The following CHD1 variants were observed in gnomAD, a reference collection of about 807,000 sequenced individuals.
The protein encoded by CHD1 is ATP-dependent chromatin remodeler CHD1.
Under a neutral mutation model 224.2 loss-of-function variants are expected in CHD1, and 36 were observed. The observed-to-expected ratio is 0.16, with a 90% CI of 0.12 to 0.21. The LOEUF (loss-of-function observed/expected upper bound fraction) is 0.21, where lower values mean the gene tolerates loss of function less well. Among genes scored for constraint, CHD1 ranks in the 10% least tolerant of loss-of-function variants. The probability of loss-of-function intolerance (pLI) is 1.00; values close to 1 mark genes in which losing one functional copy is unlikely to be tolerated. For missense variants in CHD1, 1,378 were observed against 1,994.8 expected (o/e 0.69, Z 5.89); for synonymous variants, 668 against 658.3 (o/e 1.01, Z -0.23).
chr5:98,906,186 T>C (rs1054389368), intron 2 of CHD1, among the ~76,000 whole-genome samples: 2 of 152,164 alleles, frequency 1.3e-5, no homozygotes, highest in African/African-American at 2.4e-5. Context: ...GTGAGATATA[T>C]AAATGCTTAA....
chr5:98,914,891 C>T (rs1752641592), intron 2 of CHD1, among the ~76,000 whole-genome samples: 2 of 151,972 alleles, frequency 1.3e-5, no homozygotes, highest in South Asian at 4.1e-4. Context: ...ACATATATCT[C>T]TCCTAACTAG....
chr5:98,881,341 T>C lies in CHD1; in HGVS notation c.2902A>G (p.Ile968Val), dbSNP rs1217895518. 2 of 1,566,384 alleles carry C rather than the reference T, an allele frequency of 1.3e-6. No homozygotes were observed. Among genetic ancestry groups the C allele is most frequent in the Non-Finnish European group, 1.7e-6 (2 of 1,156,672 alleles). ...AGTTCTTCAGCACCAAACTTTAAAA[T>C]GGCTGATAACTCTTCTTTATTGAAA... ...TPFNKEELSA[I>V]LKFGAEELFK... Residue 968 changes from isoleucine (I) to valine (V), a missense_variant, in exon 21 of 36, where the codon ATT (isoleucine) becomes GTT (valine). This residue lies in a region of CHD1 where 286 missense variants were observed against 445.1 expected (regional missense o/e 0.64). Coordinates refer to ENST00000614616, the MANE Select transcript of CHD1 (RefSeq NM_001270.4).
intron 20 of CHD1, 108 bp from the exon 21 acceptor site, chr5:98,881,483 A>G: frequency 3.5e-6 from 2 of 570,750 alleles, no homozygotes; most frequent in Non-Finnish European, 6.0e-6. Flanking sequence ...AGTTACATGA[A>G]GAAGTTAGAC....
intron 31 of CHD1, among the ~76,000 whole-genome samples, chr5:98,866,080 C>G (rs887395731): frequency 1.3e-5 from 2 of 151,954 alleles, no homozygotes; most frequent in Non-Finnish European, 2.9e-5. Flanking sequence ...TACCACCTCC[C>G]CTGACTCCCA....
intron 4 of CHD1, 72 bp from the exon 5 acceptor site, chr5:98,903,036 T>G (rs1373185592): frequency 1.5e-5 from 13 of 871,112 alleles, no homozygotes; most frequent in Non-Finnish European, 2.3e-5. Context: ...TTTTATTTGC[T>G]ATACTATTTA....
chr5:98,863,265 G>A (rs1748609253), intron 32 of CHD1, 143 bp downstream of exon 32: 2 of 455,384 alleles, frequency 4.4e-6, no homozygotes, highest in African/African-American at 2.1e-5. Context: ...ATTAAAGGGA[G>A]AAAAATTAAA....
chr5:98,859,065 T>C (rs1306925606), intron 33 of CHD1, 50 bp from the exon 34 acceptor site: 2 of 1,396,970 alleles, frequency 1.4e-6, no homozygotes, highest in East Asian at 2.4e-5. Flanking sequence ...TTCACAAACT[T>C]ACAAAAAAGC....
chr5:98,896,102 C>G, intron 12 of CHD1, 124 bp downstream of exon 12: 2 of 767,496 alleles, frequency 2.6e-6, no homozygotes, highest in Non-Finnish European at 4.3e-6. Flanking sequence ...TTGCAGTGAG[C>G]CAAGATCATA....
chr5:98,928,710 C>G lies in CHD1; in HGVS notation c.-320G>C, dbSNP rs1046411503. ...CGGAGGGGAAGGGGAAGCCCCGGTC[C>G]GCAGCACCAACGCGCGATCCCCTGC... On this transcript the variant is annotated 5_prime_UTR_variant, in exon 1 of 36. Transcript: ENST00000614616. 1 of 153,806 alleles carries G rather than the reference C, an allele frequency of 6.5e-6. No homozygotes were observed. Among genetic ancestry groups the G allele is most frequent in the African/African-American group, 2.4e-5 (1 of 41,440 alleles). The allele number at this position is 153,806 out of a possible 1,614,324, so 9.5% of individuals were successfully genotyped here. A position where few individuals can be genotyped will look rare whatever the true frequency, so the allele number is the denominator to read the frequency against.
chr5:98,862,026 G>A (rs161735), intron 32 of CHD1, among the ~76,000 whole-genome samples: 38,610 of 151,904 alleles, frequency 0.25, 5,195 homozygotes, highest in Middle Eastern at 0.34. Flanking sequence ...GCCTGGTAGC[G>A]TGGGCCTGTA....
Position 98,881,117 on chromosome 5 carries a change from C to T in CHD1, c.3019G>A (p.Gly1007Ser), listed in dbSNP as rs1234430100. Residue 1007 changes from glycine to serine, a missense_variant, in exon 22 of 36, where the codon GGT becomes AGT. Physicochemically the swap from Gly to Ser is moderately conservative, Grantham distance 56. This residue lies in a region of CHD1 where 286 missense variants were observed against 445.1 expected (regional missense o/e 0.64). Transcript: ENST00000614616. ...AATTCATCTCCTACAGTTAAAGGAC[C>T]TGGTTCATTTTCATGAGTTTCAGCT... ...KRAETHENEP[G>S]PLTVGDELLS... 6.2e-7 allele frequency: 1 copy of T among 1,611,420 alleles called. No homozygotes were observed. The highest frequency in any genetic ancestry group is 1.7e-5 in the Admixed American group (1 of 59,730).
Position 98,856,201 on chromosome 5 carries a change from A to T in CHD1, c.*179T>A, listed in dbSNP as rs556482902. On this transcript the variant is annotated 3_prime_UTR_variant, in exon 36 of 36. Transcript: ENST00000614616. ...GTAGTACAGTGCAGCATAATCCTTA[A>T]ATATAAAAATATTTTCTCTTCTGTT... 1 of 565,384 alleles carries T rather than the reference A, an allele frequency of 1.8e-6. No homozygotes were observed. The highest frequency in any genetic ancestry group is 2.9e-5 in the East Asian group (1 of 34,602). The allele number at this position is 565,384 out of a possible 1,614,324, so 35.0% of individuals were successfully genotyped here. A position where few individuals can be genotyped will look rare whatever the true frequency, so the allele number is the denominator to read the frequency against.
At chr5:98,869,285 G>A (rs954723546) in intron 30 of CHD1, 1 of 986,402 alleles carries the variant, frequency 1.0e-6, no homozygotes, top group Non-Finnish European at 1.2e-6. Context: ...ATCCTGGAAA[G>A]TGCAAGTATG....
At chr5:98,911,836 A>T (rs1752443548) in intron 2 of CHD1, among the ~76,000 whole-genome samples, 1 of 152,190 alleles carries the variant, frequency 6.6e-6, no homozygotes, top group African/African-American at 2.4e-5. Flanking sequence ...AAGAAAGAGG[A>T]ACTGTCCAGA....
rs143635796 is a variant in CHD1, at chr5:98,894,667, G to A, written c.1730C>T (p.Thr577Met). The A allele has an allele frequency of 3.8e-5, 57 of 1,481,270 alleles. No individual in the cohort carries two copies. The highest frequency in any genetic ancestry group is 2.1e-4 in the African/African-American group (15 of 71,140). 91.8% of individuals were successfully genotyped at this position (1,481,270 alleles called of 1,614,324 possible). ...TTTTAACCGTTTGGTCTGATGATGCGTCCATTCATGAGTTCTTATCTATTA... is the reference window on the plus strand; with the variant it reads ...TTTTAACCGTTTGGTCTGATGATGCATCCATTCATGAGTTCTTATCTATTA... The part of the protein sequence containing the change: ...SRNMIRTHEW[T>M]HHQTKRLKFN... Residue 577 changes from threonine (T) to methionine (M), a missense_variant, in exon 13 of 36, where the codon ACG becomes ATG. Physicochemically the swap from Thr to Met is moderately conservative, Grantham distance 81. This residue lies in a region of CHD1 where 49 missense variants were observed against 135.7 expected (regional missense o/e 0.36). Coordinates refer to ENST00000614616, the MANE Select transcript of CHD1 (RefSeq NM_001270.4).
At chr5:98,875,484 A>T (rs1459974282) in intron 24 of CHD1, among the ~76,000 whole-genome samples, 6 of 152,212 alleles carry the variant, frequency 3.9e-5, no homozygotes, top group Non-Finnish European at 7.4e-5. Context: ...CCAAGTGCTG[A>T]TAAAAATTCA....
At chr5:98,878,340 G>T (rs181260060) in intron 23 of CHD1, among the ~76,000 whole-genome samples, 1 of 152,180 alleles carries the variant, frequency 6.6e-6, no homozygotes, top group Non-Finnish European at 1.5e-5. Context: ...GATCTAATAC[G>T]GTTGCAAGAA....
intron 26 of CHD1, among the ~76,000 whole-genome samples, chr5:98,873,270 C>CTA (rs1280845904): frequency 1.3e-5 from 2 of 152,000 alleles, no homozygotes; most frequent in Admixed American, 1.3e-4. Context: ...ACTAAAAAAC[C>CTA]TATAGATACT....
intron 11 of CHD1, 104 bp from the exon 12 acceptor site, chr5:98,896,546 T>C (rs1285848775): frequency 2.8e-6 from 2 of 719,786 alleles, no homozygotes; most frequent in Non-Finnish European, 2.3e-6. Flanking sequence ...ATAAAATTGA[T>C]AGGTATTATA....
Sources: allele counts gnomAD v4.1 joint callset (sites outside exome capture counted in the v4.1 genomes callset), GRCh38; gene constraint gnomAD v4.1.1; regional missense constraint gnomAD v4.1.1; transcripts MANE v1.5; gene names NCBI Gene and HGNC (gene_info 2026-07-23, HGNC 2026-07-21).